The following CD99L2 variants were observed in gnomAD, a reference collection of about 807,000 sequenced individuals.
CD99L2 encodes the protein CD99 molecule like 2, also known as CD99 antigen-like protein 2.
Under a neutral mutation model 27.3 loss-of-function variants are expected in CD99L2, and 24 were observed. That is an observed-to-expected ratio of 0.88 (90% CI 0.64 to 1.24). The LOEUF is 1.24. Among genes scored for constraint, CD99L2 ranks in the 50% most tolerant of loss-of-function variants. The probability of loss-of-function intolerance (pLI) is 0.00; values close to 1 mark genes in which losing one functional copy is unlikely to be tolerated. For missense variants in CD99L2, 255 were observed against 221.6 expected (o/e 1.15, Z -0.96); for synonymous variants, 97 against 87.9 (o/e 1.10, Z -0.58).
At chrX:150,813,389 G>A (rs1055220190) in intron 4 of CD99L2, among the ~76,000 whole-genome samples, 46 of 111,901 alleles carry the variant, frequency 4.1e-4, no homozygotes, top group African/African-American at 1.4e-3. Flanking sequence ...AACTACACAC[G>A]AATCTATGAT....
At chrX:150,800,045 C>CTT (rs1355742159) in intron 4 of CD99L2, among the ~76,000 whole-genome samples, 1 of 112,154 alleles carries the variant, frequency 8.9e-6, no homozygotes, top group Non-Finnish European at 1.9e-5. Context: ...ATTATTCAGG[C>CTT]TTAAAAGAAA....
chrX:150,896,165 C>T (rs1175946665), intron 1 of CD99L2, among the ~76,000 whole-genome samples: 1 of 111,281 alleles, frequency 9.0e-6, no homozygotes, highest in Non-Finnish European at 1.9e-5. Flanking sequence ...TTTGGGAGGC[C>T]GAGGCGGGCG....
intron 1 of CD99L2, among the ~76,000 whole-genome samples, chrX:150,841,722 T>C (rs1471328282): frequency 1.8e-5 from 2 of 111,573 alleles, no homozygotes; most frequent in Non-Finnish European, 3.8e-5. Context: ...TTGTGCTATG[T>C]ACCCATCCCT....
At position 150,768,796 on chromosome X, in the gene CD99L2, G is replaced by A; in HGVS notation, c.*238C>T. 2 of 736,790 alleles carry A rather than the reference G, an allele frequency of 2.7e-6. No individual in the cohort carries two copies. Among genetic ancestry groups the A allele is most frequent in the Non-Finnish European group, 3.5e-6 (2 of 564,977 alleles). The allele number at this position is 736,790 out of a possible 1,213,427, so 60.7% of individuals were successfully genotyped here. A position where few individuals can be genotyped will look rare whatever the true frequency, so the allele number is the denominator to read the frequency against. On this transcript the variant is annotated 3_prime_UTR_variant, in exon 11 of 11. Coordinates refer to ENST00000370377, the MANE Select transcript of CD99L2 (RefSeq NM_031462.4). ...AGTTGGTGGCTCAGCAGCTCCCGAG[G>A]CTGGTGCTGGCTTTCTATCAGAGCT...
intron 1 of CD99L2, among the ~76,000 whole-genome samples, chrX:150,872,515 CTG>C (rs2047172898): frequency 9.8e-6 from 1 of 101,879 alleles, no homozygotes; most frequent in Non-Finnish European, 2.0e-5. Context: ...GAAAGTTTTC[CTG>C]TGTGTAAATT....
intron 10 of CD99L2, among the ~76,000 whole-genome samples, chrX:150,769,558 TGGCTCCC>T: frequency 8.9e-6 from 1 of 112,467 alleles, no homozygotes; most frequent in Admixed American, 9.3e-5. Flanking sequence ...GTAGGGCACC[TGGCTCCC>T]AGTACACACC....
At chrX:150,861,628 C>T (rs782528956) in intron 1 of CD99L2, among the ~76,000 whole-genome samples, 12 of 111,614 alleles carry the variant, frequency 1.1e-4, no homozygotes, top group Non-Finnish European at 2.3e-4. Context: ...CCTAGCTGGG[C>T]GCAGTGGCTC....
At chrX:150,896,839 G>A (rs782230836) in intron 1 of CD99L2, among the ~76,000 whole-genome samples, 81 of 112,317 alleles carry the variant, frequency 7.2e-4, no homozygotes, top group African/African-American at 2.3e-3. Context: ...TCTGGCAATC[G>A]CTGTGTGACC....
chrX:150,769,649 C>G (rs2043381834), intron 10 of CD99L2, among the ~76,000 whole-genome samples: 1 of 108,883 alleles, frequency 9.2e-6, no homozygotes, highest in African/African-American at 3.4e-5. Flanking sequence ...ACTGGCAACA[C>G]TCGCCTGAGC....
At chrX:150,822,988 C>T (rs1557420710) in intron 2 of CD99L2, among the ~76,000 whole-genome samples, 1 of 111,526 alleles carries the variant, frequency 9.0e-6, no homozygotes. Context: ...AGTGAGTTCT[C>T]ACAAGATTGG....
chrX:150,894,250 G>C (rs782197894), intron 1 of CD99L2, among the ~76,000 whole-genome samples: 1 of 111,927 alleles, frequency 8.9e-6, no homozygotes, highest in South Asian at 3.7e-4. Flanking sequence ...TGCCTTTCAA[G>C]GTTTGCATCA....
intron 1 of CD99L2, among the ~76,000 whole-genome samples, chrX:150,890,151 A>AAAAT (rs56795332): frequency 0.011 from 1,109 of 98,864 alleles, 8 homozygotes; most frequent in East Asian, 0.018. Flanking sequence ...ACTCCGTCTC[A>AAAAT]AAATAAATAA....
At chrX:150,830,444 T>C (rs11796353) in intron 2 of CD99L2, among the ~76,000 whole-genome samples, 31,665 of 109,799 alleles carry the variant, frequency 0.29, 3,670 homozygotes, top group African/African-American at 0.42. Context: ...TCCAGCTACT[T>C]GGAAGGCTGG....
intron 1 of CD99L2, among the ~76,000 whole-genome samples, chrX:150,852,790 C>T (rs2046812876): frequency 2.7e-5 from 3 of 111,617 alleles, no homozygotes; most frequent in African/African-American, 9.8e-5. Flanking sequence ...ATCCGAATTT[C>T]CTTCCTTCTT....
Position 150,832,560 on chromosome X carries a change from T to C in CD99L2, c.68-1267A>G, listed in dbSNP as rs143831000. On this transcript the variant is annotated intron_variant, in intron 1 of 10. Transcript: ENST00000370377. ...AAAAATCATTTGATTCATTCAATAG[T>C]GAAGAGTTAAAAGCTTTTCCTTTAA... Among the ~76,000 whole-genome samples, 334 of 111,846 alleles carry C rather than the reference T, an allele frequency of 3.0e-3. 1 individual carries two copies. Among genetic ancestry groups the C allele is most frequent in the African/African-American group, 0.01 (319 of 30,800 alleles).
In CD99L2 at chrX:150,893,094, CA is replaced by C. The variant is rs1279415659; in HGVS notation, c.67+5427del. On this transcript the variant is annotated intron_variant, in intron 1 of 10. Coordinates refer to ENST00000370377, the MANE Select transcript of CD99L2 (RefSeq NM_031462.4). ...AGATCGCACTATTGCACTCCCATCT[CA>C]AAAAAAAACAAAGAAACAAACAACA... 3.7e-5 allele frequency among the ~76,000 whole-genome samples: 4 copies of C among 107,377 alleles called. No individual in the cohort carries two copies. The East Asian group carries it at 8.6e-4, about 23-fold the overall frequency. The allele number at this position is 107,377 out of a possible 115,157, so 93.2% of individuals were successfully genotyped here. A position where few individuals can be genotyped will look rare whatever the true frequency, so the allele number is the denominator to read the frequency against.
intron 9 of CD99L2, among the ~76,000 whole-genome samples, chrX:150,771,575 C>T (rs1471386607): frequency 3.6e-5 from 4 of 111,361 alleles, no homozygotes; most frequent in African/African-American, 9.8e-5. Flanking sequence ...CATGGCACCT[C>T]AACTCTCCCC....
chrX:150,887,547 C>G (rs1341559900), intron 1 of CD99L2, among the ~76,000 whole-genome samples: 1 of 110,739 alleles, frequency 9.0e-6, no homozygotes. Context: ...AGGGCAAATC[C>G]CCAGGCTGCC....
At chrX:150,812,667 C>T (rs1220209313) in intron 4 of CD99L2, among the ~76,000 whole-genome samples, 1 of 112,423 alleles carries the variant, frequency 8.9e-6, no homozygotes, top group Non-Finnish European at 1.9e-5. Flanking sequence ...ATGTAACTAC[C>T]ATGTGATCCA....
Sources: allele counts gnomAD v4.1 joint callset (sites outside exome capture counted in the v4.1 genomes callset), GRCh38; gene constraint gnomAD v4.1.1; transcripts MANE v1.5; gene names NCBI Gene and HGNC (gene_info 2026-07-23, HGNC 2026-07-21).